Variants in TYW1 observed in about 807,000 individuals in gnomAD.
TYW1 encodes tRNA-yW synthesizing protein 1 homolog.
In TYW1, 46 loss-of-function variants were observed where a neutral mutation model predicts 96.2. The ratio of observed to expected loss-of-function variants is 0.48; its 90% CI spans 0.38 to 0.61. TYW1 has a LOEUF of 0.61. Among genes scored for constraint, TYW1 ranks in the 20% least tolerant of loss-of-function variants. The pLI is 0.00. For synonymous variants in TYW1, 274 were observed against 323.0 expected (o/e 0.85, Z 1.63); for missense variants, 684 against 909.6 (o/e 0.75, Z 3.19).
chr7:67,025,656 C>T (rs1794425783), intron 7 of TYW1, among the ~76,000 whole-genome samples: 1 of 152,006 alleles, frequency 6.6e-6, no homozygotes, highest in Admixed American at 6.6e-5. Flanking sequence ...CCCTAGGAAT[C>T]CAGGAAATAC....
At chr7:67,004,234 G>T (rs1450743267) in intron 3 of TYW1, among the ~76,000 whole-genome samples, 1 of 152,108 alleles carries the variant, frequency 6.6e-6, no homozygotes, top group Non-Finnish European at 1.5e-5. Context: ...GCTATAATTT[G>T]TTGTTTGTTC....
intron 8 of TYW1, among the ~76,000 whole-genome samples, chr7:67,052,821 T>C (rs1795397137): frequency 6.6e-6 from 1 of 152,080 alleles, no homozygotes; most frequent in Non-Finnish European, 1.5e-5. Context: ...AACCTCTGCC[T>C]CCCGGGTTCA....
chr7:67,033,656 C>T (rs568324801), intron 7 of TYW1, among the ~76,000 whole-genome samples: 22 of 151,960 alleles, frequency 1.4e-4, no homozygotes, highest in African/African-American at 5.1e-4. Flanking sequence ...GTCCCATTAC[C>T]TCCATGCTCT....
intron 4 of TYW1, among the ~76,000 whole-genome samples, chr7:67,013,586 T>C (rs567737874): frequency 6.6e-6 from 1 of 152,236 alleles, no homozygotes; most frequent in African/African-American, 2.4e-5. Flanking sequence ...ACATTCCTTG[T>C]CTTTCTGACA....
chr7:67,068,008 C>T (rs1795919196), intron 10 of TYW1, among the ~76,000 whole-genome samples: 1 of 151,214 alleles, frequency 6.6e-6, no homozygotes, highest in African/African-American at 2.4e-5. Flanking sequence ...GCTACTAACC[C>T]ATTTCTTTTT....
chr7:67,096,607 G>T (rs1332051587), intron 11 of TYW1, among the ~76,000 whole-genome samples: 2 of 151,622 alleles, frequency 1.3e-5, no homozygotes, highest in African/African-American at 4.9e-5. Context: ...TAAGTTCAGG[G>T]GTACAAGTGC....
chr7:67,098,654 C>T lies in TYW1; in HGVS notation c.1498C>T (p.Leu500=). The change falls in exon 12 of 16, where the codon CTA becomes TTA. Residue 500 remains leucine (L), a synonymous_variant. Transcript: ENST00000359626. ...CCCAGAGATCAACAGGTTTTTGAAG[C>T]TACTCCACCAGTGTAAAATTTCCAG... is the stretch of plus-strand genomic sequence containing the variant. ...MYPEINRFLK[L]LHQCKISSFL... The T allele has an allele frequency of 2.5e-6, 4 of 1,614,074 alleles. No homozygotes were observed. The highest frequency in any genetic ancestry group is 3.4e-6 in the Non-Finnish European group (4 of 1,180,006).
intron 13 of TYW1, among the ~76,000 whole-genome samples, chr7:67,163,717 G>A (rs1484532055): frequency 6.6e-6 from 1 of 151,024 alleles, no homozygotes; most frequent in East Asian, 1.9e-4. Flanking sequence ...CGCTCAGGCT[G>A]GAGTGCAGTG....
chr7:67,180,781 T>C (rs1218196449), intron 13 of TYW1, among the ~76,000 whole-genome samples: 1 of 151,844 alleles, frequency 6.6e-6, no homozygotes, highest in Non-Finnish European at 1.5e-5. Context: ...TAGCTGGGAT[T>C]ACAGGCGCCT....
chr7:67,216,213 TATAG>T (rs1801194040), intron 15 of TYW1, among the ~76,000 whole-genome samples: 1 of 148,952 alleles, frequency 6.7e-6, no homozygotes. Context: ...TGCTGCCTTC[TATAG>T]ATAATTTTTT....
At chr7:67,181,097 G>T (rs1799827510) in intron 13 of TYW1, among the ~76,000 whole-genome samples, 2 of 152,032 alleles carry the variant, frequency 1.3e-5, no homozygotes, top group African/African-American at 4.8e-5. Flanking sequence ...AGCAGGGATG[G>T]CTTTTAAACT....
At position 67,206,088 on chromosome 7, in the gene TYW1, C is replaced by T. The variant is rs1800789084; in HGVS notation, c.1977+10751C>T. On this transcript the variant is annotated intron_variant, in intron 15 of 15. Transcript: ENST00000359626. ...TATACCACTGTAGAGTTGGGGTTCA[C>T]ATCTCCTAGTGAACAGTAATGCCAA... Among the ~76,000 whole-genome samples the T allele has an allele frequency of 2.0e-5, 3 of 152,214 alleles. No homozygotes were observed. In the South Asian group the frequency reaches 6.2e-4, roughly 32 times the overall value.
intron 9 of TYW1, among the ~76,000 whole-genome samples, chr7:67,062,810 AG>A (rs1795739365): frequency 6.6e-6 from 1 of 152,158 alleles, no homozygotes; most frequent in Non-Finnish European, 1.5e-5. Flanking sequence ...TGTAATTAAA[AG>A]CCTCCCCAAA....
At position 67,017,928 on chromosome 7, in the gene TYW1, G is replaced by A. The variant is rs1794083065; in HGVS notation, c.646G>A (p.Asp216Asn). ...GATGAGTCGAGGGGAGGGCGACTGC[G>A]ACGTGGTTAAAAGCAAGCACGGCAG... The part of the protein sequence containing the change: ...RVMSRGEGDC[D>N]VVKSKHGSIE... Residue 216 changes from aspartate (D) to asparagine (N), a missense_variant, in exon 6 of 16, where the codon GAC (aspartate) becomes AAC (asparagine). Asp to Asn is a conservative substitution (Grantham distance 23). Transcript: ENST00000359626. 5.0e-6 allele frequency: 8 copies of A among 1,614,034 alleles called. No individual in the cohort carries two copies. The highest frequency in any genetic ancestry group is 4.5e-5 in the East Asian group (2 of 44,900).
chr7:67,018,955 C>CAA (rs776221914), intron 6 of TYW1, among the ~76,000 whole-genome samples: 14 of 49,052 alleles, frequency 2.9e-4, no homozygotes, highest in African/African-American at 7.3e-4. Context: ...GACTCAGTCT[C>CAA]AAAAAAAAAA....
chr7:67,026,083 A>AT (rs1160322301), intron 7 of TYW1, among the ~76,000 whole-genome samples: 2 of 151,974 alleles, frequency 1.3e-5, no homozygotes, highest in Non-Finnish European at 2.9e-5. Flanking sequence ...TTTATTTTTT[A>AT]TTTTTTTGAA....
At chr7:67,145,907 A>G (rs988049229) in intron 13 of TYW1, among the ~76,000 whole-genome samples, 5 of 152,034 alleles carry the variant, frequency 3.3e-5, no homozygotes, top group Non-Finnish European at 5.9e-5. Context: ...GGTGCGTGCC[A>G]CCATGCTCAG....
chr7:67,098,929 C>T (rs1356939768), intron 12 of TYW1, among the ~76,000 whole-genome samples: 6 of 151,964 alleles, frequency 3.9e-5, no homozygotes, highest in Non-Finnish European at 4.4e-5. Flanking sequence ...ACAGATACAT[C>T]GCTAGGGGAA....
At chr7:67,144,362 T>C (rs1420975935) in intron 13 of TYW1, among the ~76,000 whole-genome samples, 2 of 152,248 alleles carry the variant, frequency 1.3e-5, no homozygotes, top group African/African-American at 4.8e-5. Flanking sequence ...TTTTGATTCA[T>C]ATATCATCAG....
Sources: allele counts gnomAD v4.1 joint callset (sites outside exome capture counted in the v4.1 genomes callset), GRCh38; gene constraint gnomAD v4.1.1; transcripts MANE v1.5; gene names NCBI Gene and HGNC (gene_info 2026-07-23, HGNC 2026-07-21).